Variants in CSTPP1 observed in about 807,000 individuals in gnomAD.
CSTPP1 encodes the protein centriolar satellite-associated tubulin polyglutamylase complex regulator 1.
chr11:47,112,286 T>G, the CSTPP1 span, among the ~76,000 whole-genome samples: 1 of 151,798 alleles, frequency 6.6e-6, no homozygotes, highest in Admixed American at 6.6e-5. Context: ...TCTCTTAATT[T>G]GCCTCAGTTA....
chr11:47,135,607 A>G, the CSTPP1 span, among the ~76,000 whole-genome samples: 1 of 152,320 alleles, frequency 6.6e-6, no homozygotes, highest in African/African-American at 2.4e-5. Flanking sequence ...TCCTCTCTCC[A>G]CATCCCAACA....
chr11:47,103,154 T>G, the CSTPP1 span, among the ~76,000 whole-genome samples: 1 of 152,186 alleles, frequency 6.6e-6, no homozygotes, highest in South Asian at 2.1e-4. Context: ...TCCCAGCACT[T>G]TGGGAGGCCA....
the CSTPP1 span, among the ~76,000 whole-genome samples, chr11:47,112,038 C>T: frequency 1.3e-5 from 2 of 152,106 alleles, no homozygotes; most frequent in Non-Finnish European, 2.9e-5. Context: ...GTTCCTCTTA[C>T]CCAATAGGCA....
At chr11:46,981,974 A>G in the CSTPP1 span, among the ~76,000 whole-genome samples, 2 of 152,092 alleles carry the variant, frequency 1.3e-5, no homozygotes, top group Admixed American at 1.3e-4. Flanking sequence ...AATAAATTTT[A>G]GAGGTCTATT....
chr11:47,052,621 T>G, the CSTPP1 span: 265 of 1,434,962 alleles, frequency 1.8e-4, no homozygotes, highest in Non-Finnish European at 1.8e-4. Flanking sequence ...TTTCCTCTCT[T>G]TCTCTTTCAA....
chr11:47,088,952 TAA>T, the CSTPP1 span, among the ~76,000 whole-genome samples: 3 of 152,234 alleles, frequency 2.0e-5, no homozygotes, highest in Non-Finnish European at 4.4e-5. Flanking sequence ...ATGGTTTTGT[TAA>T]AGAGTTTTAT....
At chr11:47,044,308 C>T in the CSTPP1 span, among the ~76,000 whole-genome samples, 1 of 152,044 alleles carries the variant, frequency 6.6e-6, no homozygotes, top group African/African-American at 2.4e-5. Flanking sequence ...ATTTATCTTA[C>T]TCAGCACTTT....
the CSTPP1 span, among the ~76,000 whole-genome samples, chr11:47,092,780 C>A: frequency 1.3e-5 from 2 of 152,172 alleles, no homozygotes; most frequent in Non-Finnish European, 2.9e-5. Flanking sequence ...TCAGGGTTTA[C>A]ACATTGCACT....
the CSTPP1 span, among the ~76,000 whole-genome samples, chr11:47,107,477 T>C: frequency 2.0e-5 from 3 of 152,352 alleles, no homozygotes; most frequent in East Asian, 1.9e-4. Flanking sequence ...AATTATTTAA[T>C]GTTCTTGTCT....
the CSTPP1 span, among the ~76,000 whole-genome samples, chr11:47,011,693 A>T: frequency 6.6e-6 from 1 of 152,108 alleles, no homozygotes; most frequent in Non-Finnish European, 1.5e-5. Context: ...ATCTAACTTC[A>T]TTGTGTAATC....
the CSTPP1 span, among the ~76,000 whole-genome samples, chr11:47,121,790 A>C: frequency 6.6e-6 from 1 of 152,018 alleles, no homozygotes; most frequent in Non-Finnish European, 1.5e-5. Context: ...ATATGGTTAA[A>C]GATTAGAAAA....
the CSTPP1 span, among the ~76,000 whole-genome samples, chr11:47,058,881 C>T: frequency 2.0e-5 from 3 of 152,138 alleles, no homozygotes; most frequent in African/African-American, 4.8e-5. Context: ...GAGTAAGTGA[C>T]AATACTTGCC....
chr11:47,139,917 T>C, the CSTPP1 span, among the ~76,000 whole-genome samples: 1 of 152,188 alleles, frequency 6.6e-6, no homozygotes, highest in Non-Finnish European at 1.5e-5. Context: ...GCATCATTTC[T>C]GCTTTGTGGT....
chr11:47,029,047 G>A, the CSTPP1 span, among the ~76,000 whole-genome samples: 9 of 150,964 alleles, frequency 6.0e-5, no homozygotes, highest in South Asian at 1.7e-3. Context: ...ATTTCACTAT[G>A]TTGCCCAAGC....
At chr11:46,938,302 A>T in the CSTPP1 span, among the ~76,000 whole-genome samples, 1 of 148,690 alleles carries the variant, frequency 6.7e-6, no homozygotes, top group Non-Finnish European at 1.5e-5. Flanking sequence ...GTTACAATGG[A>T]TAAACATATA....
At chr11:46,974,307 C>T in the CSTPP1 span, among the ~76,000 whole-genome samples, 3 of 151,960 alleles carry the variant, frequency 2.0e-5, no homozygotes, top group Non-Finnish European at 2.9e-5. Flanking sequence ...GCGGGCAGAT[C>T]GCTTGAGGTC....
At chr11:47,037,023 G>GGC in the CSTPP1 span, among the ~76,000 whole-genome samples, 1 of 126,606 alleles carries the variant, frequency 7.9e-6, no homozygotes, top group African/African-American at 2.5e-5. Flanking sequence ...ATAAATGGCT[G>GGC]GCTCCAGGGT....
chr11:47,157,446 C>A, the CSTPP1 span, among the ~76,000 whole-genome samples: 1 of 152,144 alleles, frequency 6.6e-6, no homozygotes, highest in Admixed American at 6.5e-5. Flanking sequence ...TGTAGTTGAC[C>A]AATTTACTGG....
chr11:46,963,697 A>G, the CSTPP1 span, among the ~76,000 whole-genome samples: 1 of 151,610 alleles, frequency 6.6e-6, no homozygotes, highest in African/African-American at 2.4e-5. Context: ...AGGCATGAGA[A>G]TCGTTTGAAC....
Sources: gnomAD v4.1 joint callset for allele counts (sites outside exome capture counted in the v4.1 genomes callset) on GRCh38, gnomAD v4.1.1 for gene constraint, MANE v1.5 for transcripts, NCBI Gene and HGNC (gene_info 2026-07-23, HGNC 2026-07-21) for gene names.